The following PELI2 variants were observed in gnomAD, a reference collection of about 807,000 sequenced individuals.
The protein encoded by PELI2 is pellino E3 ubiquitin protein ligase family member 2, also known as E3 ubiquitin-protein ligase pellino homolog 2.
A neutral mutation model predicts 42.3 loss-of-function variants in PELI2; 23 were observed. That is an observed-to-expected ratio of 0.54 (90% CI 0.39 to 0.77). PELI2 has a LOEUF of 0.77. Among genes scored for constraint, PELI2 ranks in the 30% least tolerant of loss-of-function variants. PELI2 has a pLI of 0.00. For synonymous variants in PELI2, 245 were observed against 212.2 expected, an observed-to-expected ratio of 1.15 and a Z score of -1.34; for missense variants, 463 against 553.2, an observed-to-expected ratio of 0.84 and a Z score of 1.64.
chr14:56,242,928 C>T (rs532559162), intron 2 of PELI2, among the ~76,000 whole-genome samples: 2 of 152,248 alleles, frequency 1.3e-5, no homozygotes, highest in African/African-American at 4.8e-5. Flanking sequence ...ATGGGTGCAC[C>T]ACAATCCCAG....
rs757175037 is a variant in PELI2, at chr14:56,296,978, G to T, written c.1075G>T (p.Ala359Ser). Residue 359 changes from alanine (A) to serine (S), a missense_variant, in exon 6 of 6, where the codon GCA becomes TCA. Physicochemically the swap from Ala to Ser is moderately conservative, Grantham distance 99 (BLOSUM62 1). Transcript: ENST00000267460. ...CTGTGAGGCAGGATTTTATGTAGAC[G>T]CAGGACCGCCAACTCATGCTTTCAC... ...LGCEAGFYVD[A>S]GPPTHAFTPC... The T allele has an allele frequency of 1.9e-6, 3 of 1,613,956 alleles. No homozygotes were observed. Among genetic ancestry groups the T allele is most frequent in the African/African-American group, 2.7e-5 (2 of 74,894 alleles).
rs1887027984 is a variant in PELI2, at chr14:56,219,101, C to CT, written c.207+40639dup. Among the ~76,000 whole-genome samples the CT allele has an allele frequency of 6.6e-6, 1 of 152,072 alleles. No homozygotes were observed. Among genetic ancestry groups the CT allele is most frequent in the African/African-American group, 2.4e-5 (1 of 41,392 alleles). On this transcript the variant is annotated intron_variant, in intron 2 of 5. Coordinates refer to ENST00000267460, the MANE Select transcript of PELI2 (RefSeq NM_021255.3). This position sits in a 1 kb window ranked among gnomAD's most constrained non-coding sequence, Gnocchi z 4.1. ...ACAGAACCCTAGGAAGGGAAGGTAG[C>CT]TTCAAATACAAGCCATTTTAAGTAT... is the stretch of plus-strand genomic sequence containing the variant.
At chr14:56,150,393 C>T (rs771875742) in intron 1 of PELI2, among the ~76,000 whole-genome samples, 7 of 152,102 alleles carry the variant, frequency 4.6e-5, no homozygotes, top group Non-Finnish European at 7.3e-5. Flanking sequence ...TAACTGATCC[C>T]ATTTTCTATT....
intron 2 of PELI2, among the ~76,000 whole-genome samples, chr14:56,201,479 T>C (rs1359739021): frequency 6.6e-6 from 1 of 152,220 alleles, no homozygotes; most frequent in Non-Finnish European, 1.5e-5. Context: ...TATTTTTAAG[T>C]TCATGTGTCT....
intron 5 of PELI2, among the ~76,000 whole-genome samples, chr14:56,293,224 T>C (rs895872091): frequency 6.6e-6 from 1 of 152,210 alleles, no homozygotes. Flanking sequence ...AGATAGTTGC[T>C]ATGTAGGGGC....
chr14:56,283,759 T>C (rs1011907467), intron 3 of PELI2, among the ~76,000 whole-genome samples: 3 of 152,172 alleles, frequency 2.0e-5, no homozygotes, highest in African/African-American at 7.2e-5. Context: ...AAATAAAGTA[T>C]GGTAAGCCAA....
chr14:56,274,401 T>C (rs899122209), intron 2 of PELI2, among the ~76,000 whole-genome samples: 1 of 152,248 alleles, frequency 6.6e-6, no homozygotes, highest in African/African-American at 2.4e-5. Flanking sequence ...GAGCTAACAC[T>C]GCTTCTTAAC....
chr14:56,219,465 A>G lies in PELI2; in HGVS notation c.207+41001A>G, dbSNP rs1450478920. Among the ~76,000 whole-genome samples the G allele has an allele frequency of 6.6e-6, 1 of 152,090 alleles. No homozygotes were observed. The highest frequency in any genetic ancestry group is 1.9e-4 in the East Asian group (1 of 5,186). ...TTCCTCTCGCAGTAACTACAGCATG[A>G]TTTGTTTTACCCCTCAGCACTCAGC... On this transcript the variant is annotated intron_variant, in intron 2 of 5. Transcript: ENST00000267460. The surrounding 1 kb of genome is among the most constrained non-coding windows in gnomAD (Gnocchi z 4.1).
At position 56,219,152 on chromosome 14, in the gene PELI2, T is replaced by C. The variant is rs1268282212; in HGVS notation, c.207+40688T>C. Among the ~76,000 whole-genome samples the C allele has an allele frequency of 6.6e-6, 1 of 151,684 alleles. No homozygotes were observed. The highest frequency in any genetic ancestry group is 6.6e-5 in the Admixed American group (1 of 15,222). ...CCTGGTCTCTTAATTCCTTTTTTAT[T>C]TTTTTTTGGATGACTTGAGGACAAT... On this transcript the variant is annotated intron_variant, in intron 2 of 5. Transcript: ENST00000267460. The surrounding 1 kb of genome is among the most constrained non-coding windows in gnomAD (Gnocchi z 4.1).
rs1594725728 is a variant in PELI2, at chr14:56,297,725, A to G, written c.*559A>G. The stretch of plus-strand genomic sequence containing the variant: ...TGAAATCTGGGGCTTTTTCTGATTT[A>G]TTTTTCTGACTTGTTGGGGGAGAGA... On this transcript the variant is annotated 3_prime_UTR_variant, in exon 6 of 6. Transcript: ENST00000267460. 6.8e-6 allele frequency: 1 copy of G among 148,102 alleles called. No individual in the cohort carries two copies. Among genetic ancestry groups the G allele is most frequent in the Non-Finnish European group, 1.5e-5 (1 of 67,202 alleles). The allele number at this position is 148,102 out of a possible 1,614,324, so 9.2% of individuals were successfully genotyped here.
intron 2 of PELI2, among the ~76,000 whole-genome samples, chr14:56,261,253 G>C (rs930112193): frequency 7.9e-5 from 12 of 152,180 alleles, no homozygotes; most frequent in African/African-American, 2.7e-4. Flanking sequence ...AGATGACTCA[G>C]ATTCAATGGC....
chr14:56,137,946 A>C (rs242421), intron 1 of PELI2, among the ~76,000 whole-genome samples: 93,137 of 151,936 alleles, frequency 0.61, 29,698 homozygotes, highest in African/African-American at 0.8. Context: ...TCTTTACCTG[A>C]GAAGTTATGG....
At chr14:56,126,761 G>C (rs1402166905) in intron 1 of PELI2, among the ~76,000 whole-genome samples, 1 of 152,100 alleles carries the variant, frequency 6.6e-6, no homozygotes, top group Non-Finnish European at 1.5e-5. Context: ...GATTGCGTTG[G>C]GGAAAGGCCC....
rs1421331856 is a variant in PELI2 at position 56,298,664 on chromosome 14, C to T, written c.*1498C>T. 2.6e-5 allele frequency: 4 copies of T among 152,684 alleles called. No individual in the cohort carries two copies. Among genetic ancestry groups the T allele is most frequent in the African/African-American group, 9.6e-5 (4 of 41,558 alleles). 9.5% of individuals were successfully genotyped at this position (152,684 alleles called of 1,614,324 possible). A position where few individuals can be genotyped will look rare whatever the true frequency, so the allele number is the denominator to read the frequency against. The stretch of plus-strand genomic sequence containing the variant: ...TTTTGCCTACTGGCAAATATTTTGC[C>T]TATTTTCAGTCGTTCTAACCTATTT... On this transcript the variant is annotated 3_prime_UTR_variant, in exon 6 of 6. Transcript: ENST00000267460.
At chr14:56,212,323 A>G (rs1180130299) in intron 2 of PELI2, among the ~76,000 whole-genome samples, 2 of 152,086 alleles carry the variant, frequency 1.3e-5, no homozygotes, top group African/African-American at 2.4e-5. Flanking sequence ...TTATTTTATT[A>G]TTTTGGAAAG....
At chr14:56,174,605 C>G (rs1385757581) in intron 1 of PELI2, among the ~76,000 whole-genome samples, 2 of 152,272 alleles carry the variant, frequency 1.3e-5, no homozygotes, top group African/African-American at 2.4e-5. Context: ...TGAGTTCTCA[C>G]AAGATCTGAT....
At chr14:56,264,507 CTGTGGGAA>C (rs1888830766) in intron 2 of PELI2, among the ~76,000 whole-genome samples, 1 of 152,100 alleles carries the variant, frequency 6.6e-6, no homozygotes, top group South Asian at 2.1e-4. Context: ...TATTAGGAAG[CTGTGGGAA>C]AGATGGTAAA....
intron 2 of PELI2, among the ~76,000 whole-genome samples, chr14:56,236,517 G>C (rs925688664): frequency 6.6e-6 from 1 of 152,204 alleles, no homozygotes; most frequent in Admixed American, 6.5e-5. Flanking sequence ...GATAAATTCA[G>C]TAGCTAAAGC....
At chr14:56,236,647 A>T (rs1264838944) in intron 2 of PELI2, among the ~76,000 whole-genome samples, 1 of 151,984 alleles carries the variant, frequency 6.6e-6, no homozygotes, top group Non-Finnish European at 1.5e-5. Flanking sequence ...ATCTGGGGTA[A>T]TTCTCTGAGA....
Sources: allele counts gnomAD v4.1 joint callset (sites outside exome capture counted in the v4.1 genomes callset), GRCh38; gene constraint gnomAD v4.1.1; non-coding constraint Gnocchi (gnomAD v3.1); transcripts MANE v1.5; gene names NCBI Gene and HGNC (gene_info 2026-07-23, HGNC 2026-07-21).